Variants in ZDHHC4 observed in about 807,000 individuals in gnomAD.
The protein encoded by ZDHHC4 is palmitoyltransferase ZDHHC4.
In ZDHHC4, 42 loss-of-function variants were observed where a neutral mutation model predicts 36.7. That is an observed-to-expected ratio of 1.14 (90% CI 0.89 to 1.48). ZDHHC4 has a LOEUF of 1.48. Ranked by LOEUF, ZDHHC4 falls within the 40% of genes most tolerant of loss-of-function variation. The pLI is 0.00. For missense variants in ZDHHC4, 457 were observed against 421.5 expected (o/e 1.08, Z -0.74); for synonymous variants, 189 against 166.6 (o/e 1.13, Z -1.03).
intron 5 of ZDHHC4, chr7:6,582,457 ATCTTTT>A: frequency 1.8e-6 from 1 of 554,460 alleles, no homozygotes; most frequent in Non-Finnish European, 3.2e-6. Flanking sequence ...TTTTTAGTTT[ATCTTTT>A]TAATGCTTTC....
chr7:6,585,872 C>T (rs535889870), intron 7 of ZDHHC4, among the ~76,000 whole-genome samples: 47 of 151,632 alleles, frequency 3.1e-4, no homozygotes, highest in Non-Finnish European at 6.8e-4. Flanking sequence ...CATATTGGGC[C>T]AGGCATGGTG....
intron 7 of ZDHHC4, among the ~76,000 whole-genome samples, chr7:6,586,630 C>T (rs187929609): frequency 2.6e-5 from 4 of 152,148 alleles, no homozygotes; most frequent in Admixed American, 2.6e-4. Flanking sequence ...CATGAGCCAC[C>T]ACGCCTGGCT....
intron 2 of ZDHHC4, among the ~76,000 whole-genome samples, chr7:6,579,938 C>T (rs1024025472): frequency 6.6e-6 from 1 of 151,648 alleles, no homozygotes; most frequent in South Asian, 2.1e-4. Context: ...GAGTTCGAGA[C>T]CAGCCTGGCC....
chr7:6,578,374 C>G (rs1179048633), intron 1 of ZDHHC4, 192 bp from the exon 2 acceptor site: 1 of 152,280 alleles, frequency 6.6e-6, no homozygotes, highest in Non-Finnish European at 1.5e-5. Flanking sequence ...AAGCTATCCT[C>G]CTGCCTGGGC....
At chr7:6,586,915 G>A (rs1781282311) in intron 7 of ZDHHC4, among the ~76,000 whole-genome samples, 1 of 152,128 alleles carries the variant, frequency 6.6e-6, no homozygotes, top group South Asian at 2.1e-4. Flanking sequence ...GAACATTCAT[G>A]TACAAGTTTT....
chr7:6,578,180 G>A (rs1426665596), intron 1 of ZDHHC4, among the ~76,000 whole-genome samples: 1 of 151,928 alleles, frequency 6.6e-6, no homozygotes, highest in African/African-American at 2.4e-5. Flanking sequence ...CAGGCTGGAA[G>A]GCAGTGGCAC....
At chr7:6,582,038 A>C (rs1583382348) in intron 4 of ZDHHC4, 35 bp from the exon 5 acceptor site, 2 of 1,579,774 alleles carry the variant, frequency 1.3e-6, no homozygotes, top group Non-Finnish European at 1.7e-6. Context: ...TCAAGAAGAA[A>C]CCCCCATGAA....
chr7:6,584,134 G>A (rs1306952979), intron 6 of ZDHHC4: 3 of 151,976 alleles, frequency 2.0e-5, no homozygotes, highest in African/African-American at 7.3e-5. Context: ...TAATCAGGAT[G>A]TTATTTAACC....
intron 7 of ZDHHC4, among the ~76,000 whole-genome samples, chr7:6,587,461 T>C (rs1204637965): frequency 6.6e-6 from 1 of 152,240 alleles, no homozygotes; most frequent in East Asian, 1.9e-4. Flanking sequence ...TTAAACTTTC[T>C]AAATTCTTCA....
rs985466979 is a variant in ZDHHC4 at position 6,581,952 on chromosome 7, G to A, written c.192-121G>A. The A allele has an allele frequency of 5.0e-6, 5 of 1,005,778 alleles. No individual in the cohort carries two copies. In the East Asian group the frequency reaches 1.2e-4, roughly 24 times the overall value. The allele number at this position is 1,005,778 out of a possible 1,614,324, so 62.3% of individuals were successfully genotyped here. On this transcript the variant is annotated intron_variant, in intron 4 of 7. Coordinates refer to ENST00000335965, the MANE Select transcript of ZDHHC4 (RefSeq NM_001134389.2). Reference sequence around the variant, plus strand: ...CAAAATGTTTCACATAGTTTTCTATGTAATTCTTACTATTATCTCAAGCCC... The same window carrying A: ...CAAAATGTTTCACATAGTTTTCTATATAATTCTTACTATTATCTCAAGCCC...
chr7:6,582,807 C>A lies in ZDHHC4; in HGVS notation c.371-499C>A, dbSNP rs76174679. 1.6e-3 allele frequency among the ~76,000 whole-genome samples: 239 copies of A among 152,268 alleles called. 1 individual carries two copies. Among genetic ancestry groups the A allele is most frequent in the African/African-American group, 5.5e-3 (230 of 41,556 alleles). ...CTGAGACTACAGGCGTGAGCCACCG[C>A]ACTGGCAGAATTGTACACTTTAAAT... On this transcript the variant is annotated intron_variant, in intron 5 of 7. Coordinates refer to ENST00000335965, the MANE Select transcript of ZDHHC4 (RefSeq NM_001134389.2).
In ZDHHC4 at chr7:6,582,067, T is replaced by C; in HGVS notation, c.192-6T>C. On this transcript the variant is annotated splice_polypyrimidine_tract_variant and splice_region_variant and intron_variant, in intron 4 of 7. Coordinates refer to ENST00000335965, the MANE Select transcript of ZDHHC4 (RefSeq NM_001134389.2). Reference sequence around the variant, plus strand: ...CCATGAACAAGCCATGCCTGTTTTCTTTCAGAAACCACACCTTCATTGTCC... The same window carrying C: ...CCATGAACAAGCCATGCCTGTTTTCCTTCAGAAACCACACCTTCATTGTCC... 1 of 1,609,484 alleles carries C rather than the reference T, an allele frequency of 6.2e-7. No homozygotes were observed. Among genetic ancestry groups the C allele is most frequent in the Non-Finnish European group, 8.5e-7 (1 of 1,176,814 alleles).
intron 2 of ZDHHC4, 21 bp from the exon 3 acceptor site, chr7:6,580,534 A>G: frequency 6.3e-7 from 1 of 1,597,354 alleles, no homozygotes; most frequent in African/African-American, 1.3e-5. Context: ...AGATAGTCAC[A>G]CTCTTTCTGT....
chr7:6,580,228 T>C (rs1221296208), intron 2 of ZDHHC4, among the ~76,000 whole-genome samples: 2 of 152,128 alleles, frequency 1.3e-5, no homozygotes, highest in African/African-American at 4.8e-5. Flanking sequence ...CTCGAACTCC[T>C]GAGCTCAAGC....
At chr7:6,584,913 T>C (rs1781124237) in intron 6 of ZDHHC4, 103 bp from the exon 7 acceptor site, 1 of 1,501,232 alleles carries the variant, frequency 6.7e-7, no homozygotes, top group Non-Finnish European at 9.0e-7. Flanking sequence ...CATTTTCCTC[T>C]GATGACACAT....
intron 7 of ZDHHC4, 100 bp downstream of exon 7, chr7:6,585,360 A>C: frequency 2.0e-6 from 3 of 1,495,532 alleles, no homozygotes; most frequent in Non-Finnish European, 2.7e-6. Flanking sequence ...GTGGTGGCTC[A>C]CGCCTATAAT....
chr7:6,585,194 A>T lies in ZDHHC4; in HGVS notation c.675A>T (p.Leu225Phe). The change falls in exon 7 of 8, where the codon TTA becomes TTT. Residue 225 changes from leucine (L) to phenylalanine (F), a missense_variant. Coordinates refer to ENST00000335965, the MANE Select transcript of ZDHHC4 (RefSeq NM_001134389.2). ...TCCACTTGGTGGTGATGTCAGATTT[A>T]TACCAGGAGACTTACATCGATGACC... is the stretch of plus-strand genomic sequence containing the variant. ...FLVHLVVMSDLYQETYIDDLG... is the reference protein window; with the variant it reads ...FLVHLVVMSDFYQETYIDDLG... 2 of 1,614,184 alleles carry T rather than the reference A, an allele frequency of 1.2e-6. No individual in the cohort carries two copies. The highest frequency in any genetic ancestry group is 1.7e-6 in the Non-Finnish European group (2 of 1,180,038).
chr7:6,586,576 A>G (rs1034744641), intron 7 of ZDHHC4, among the ~76,000 whole-genome samples: 2 of 152,130 alleles, frequency 1.3e-5, no homozygotes, highest in African/African-American at 4.8e-5. Flanking sequence ...CTCAGGTTCA[A>G]GCAATTCTCC....
chr7:6,580,579 C>T lies in ZDHHC4; in HGVS notation c.18C>T (p.Leu6=). MDFLV[L]FLFYLASVLM... ...GCTGCAGGATGGACTTTCTGGTCCT[C>T]TTCTTGTTCTACCTGGCTTCGGTGC... The change falls in exon 3 of 8, where the codon CTC becomes CTT. Residue 6 remains leucine, a synonymous_variant. Coordinates refer to ENST00000335965, the MANE Select transcript of ZDHHC4 (RefSeq NM_001134389.2). 1 of 1,614,168 alleles carries T rather than the reference C, an allele frequency of 6.2e-7. No individual in the cohort carries two copies. The highest frequency in any genetic ancestry group is 1.3e-5 in the African/African-American group (1 of 75,050).
Sources: allele counts gnomAD v4.1 joint callset (sites outside exome capture counted in the v4.1 genomes callset), GRCh38; gene constraint gnomAD v4.1.1; transcripts MANE v1.5; gene names NCBI Gene and HGNC (gene_info 2026-07-23, HGNC 2026-07-21).